The following THBS2 variants were observed in gnomAD, a reference collection of about 807,000 sequenced individuals.
The protein encoded by THBS2 is thrombospondin 2, also known as thrombospondin-2.
A neutral mutation model predicts 135.2 loss-of-function variants in THBS2; 47 were observed. That is an observed-to-expected ratio of 0.35 (90% CI 0.28 to 0.44). The LOEUF is 0.44. Among genes scored for constraint, THBS2 ranks in the 20% least tolerant of loss-of-function variants. THBS2 has a pLI of 1.00. For missense variants in THBS2, 1,288 were observed against 1,603.1 expected, an observed-to-expected ratio of 0.80 and a Z score of 3.36; for synonymous variants, 639 against 633.8, an observed-to-expected ratio of 1.01 and a Z score of -0.12.
In THBS2 at chr6:169,248,671, C is replaced by G; in HGVS notation, c.355G>C (p.Gly119Arg). The change falls in exon 3 of 22, where the codon GGC (glycine) becomes CGC (arginine). Residue 119 changes from glycine to arginine, a missense_variant. This residue lies in a region of THBS2 where 414 missense variants were observed against 447.0 expected (regional missense o/e 0.93). Transcript: ENST00000617924. ...SQRQFEIVSNGPADTLDLTYW... is the reference protein window; with the variant it reads ...SQRQFEIVSNRPADTLDLTYW... ...GTGAGATCCAGCGTGTCCGCGGGGC[C>G]GTTGGAGACGATCTCGAACTGCCTC... 1 of 1,613,870 alleles carries G rather than the reference C, an allele frequency of 6.2e-7. No individual in the cohort carries two copies. The highest frequency in any genetic ancestry group is 8.5e-7 in the Non-Finnish European group (1 of 1,179,880).
chr6:169,239,551 T>C, intron 7 of THBS2, 48 bp downstream of exon 7: 8 of 1,501,460 alleles, frequency 5.3e-6, no homozygotes, highest in Non-Finnish European at 7.3e-6. Flanking sequence ...CAAACAAGCA[T>C]GGAATTCCTA....
rs1393675216 is a variant in THBS2, at chr6:169,216,086, AC to A, written c.*1735del. 6.6e-6 allele frequency: 1 copy of A among 152,272 alleles called. No homozygotes were observed. Among genetic ancestry groups the A allele is most frequent in the Non-Finnish European group, 1.5e-5 (1 of 68,048 alleles). The allele number at this position is 152,272 out of a possible 1,614,324, so 9.4% of individuals were successfully genotyped here. A position where few individuals can be genotyped will look rare whatever the true frequency, so the allele number is the denominator to read the frequency against. ...AACCTGCACGCTGTTGACAGTCGCT[AC>A]ATTTAATGAAGTATCCCAACGCTTC... On this transcript the variant is annotated 3_prime_UTR_variant, in exon 22 of 22. Transcript: ENST00000617924.
At chr6:169,228,446 A>C (rs1340472186) in intron 14 of THBS2, among the ~76,000 whole-genome samples, 165 bp from the exon 15 acceptor site, 2 of 152,202 alleles carry the variant, frequency 1.3e-5, no homozygotes, top group Non-Finnish European at 2.9e-5. Context: ...CTTTAATCAC[A>C]GCTGGGCACT....
At position 169,233,016 on chromosome 6, in the gene THBS2, A is replaced by G; in HGVS notation, c.1653T>C (p.Asp551=). Residue 551 remains aspartate, a splice_region_variant and synonymous_variant, in exon 11 of 22, where the codon GAT becomes GAC. Coordinates refer to ENST00000617924, the MANE Select transcript of THBS2 (RefSeq NM_003247.5). ...GGAAGCAGGGGTTGGATAAACAGCC[A>G]TCTGGGTGGGAGAAGGCGGAGCAGA... is the stretch of plus-strand genomic sequence containing the variant. ...QMCNKRSCPV[D]GCLSNPCFPG... 1 of 1,537,872 alleles carries G rather than the reference A, an allele frequency of 6.5e-7. No individual in the cohort carries two copies. The highest frequency in any genetic ancestry group is 8.7e-7 in the Non-Finnish European group (1 of 1,145,936).
At chr6:169,237,439 A>G (rs1780138119) in intron 8 of THBS2, 93 bp from the exon 9 acceptor site, 1 of 1,531,482 alleles carries the variant, frequency 6.5e-7, no homozygotes, top group Non-Finnish European at 8.9e-7. Context: ...AGCATCTCAC[A>G]GCTGCTGAGG....
intron 16 of THBS2, among the ~76,000 whole-genome samples, 190 bp from the exon 17 acceptor site, chr6:169,225,569 G>A (rs1038503956): frequency 6.6e-6 from 1 of 152,196 alleles, no homozygotes; most frequent in African/African-American, 2.4e-5. Context: ...CAGGCCTCTC[G>A]GTCCAGGAAT....
Position 169,237,248 on chromosome 6 carries a change from G to A in THBS2, c.1399C>T (p.Pro467Ser). ...NITRIRLCNSPVPQMGGKNCK... is the reference protein window; with the variant it reads ...NITRIRLCNSSVPQMGGKNCK... ...TTCTTGCCCCCCATCTGGGGCACTG[G>A]GGAGTTGCAGAGACGGATGCGTGTG... Residue 467 changes from proline to serine, a missense_variant, in exon 9 of 22, where the codon CCA becomes TCA. This residue lies in a region of THBS2 where 874 missense variants were observed against 1,156.1 expected (regional missense o/e 0.76). Transcript: ENST00000617924. 6.2e-7 allele frequency: 1 copy of A among 1,613,436 alleles called. No individual in the cohort carries two copies. The highest frequency in any genetic ancestry group is 8.5e-7 in the Non-Finnish European group (1 of 1,180,010).
In THBS2 at chr6:169,229,605, A is replaced by G. The variant is rs921426804; in HGVS notation, c.2226T>C (p.Asp742=). The G allele has an allele frequency of 8.1e-6, 13 of 1,614,038 alleles. 1 individual carries two copies. The highest frequency in any genetic ancestry group is 3.3e-5 in the South Asian group (3 of 91,078). ...DKDGIGDACD[D]DDDNDGVTDE... ...CGGTCACACCGTCATTGTCATCGTC[A>G]TCATCACAGGCATCGCCAATCCCGT... The change falls in exon 14 of 22, where the codon GAT becomes GAC. Residue 742 remains aspartate, a synonymous_variant. Transcript: ENST00000617924.
chr6:169,222,647 T>G (rs1779469120), intron 18 of THBS2, among the ~76,000 whole-genome samples, 179 bp from the exon 19 acceptor site: 1 of 151,790 alleles, frequency 6.6e-6, no homozygotes, highest in Non-Finnish European at 1.5e-5. Context: ...ATGCAAAAAT[T>G]AGCCGGGCAT....
intron 16 of THBS2, 147 bp from the exon 17 acceptor site, chr6:169,225,526 C>T: frequency 1.3e-6 from 1 of 748,774 alleles, no homozygotes; most frequent in Non-Finnish European, 2.2e-6. Context: ...CCCGAGGTCA[C>T]ACTGACCCTG....
chr6:169,241,754 G>T lies in THBS2; in HGVS notation c.891+8C>A. On this transcript the variant is annotated splice_region_variant and intron_variant, in intron 5 of 21. Transcript: ENST00000617924. The surrounding 1 kb of genome is among the most constrained non-coding windows in gnomAD (Gnocchi z 5.5). ...TATGACCCCCGCGGCCCCTGCGTGA[G>T]TACCCACCACTCTCTTGAGGTTCTC... The T allele has an allele frequency of 6.3e-7, 1 of 1,597,846 alleles. No individual in the cohort carries two copies. The highest frequency in any genetic ancestry group is 8.6e-7 in the Non-Finnish European group (1 of 1,168,228).
chr6:169,244,315 C>CACAT (rs1780472349), intron 4 of THBS2, among the ~76,000 whole-genome samples: 2 of 119,020 alleles, frequency 1.7e-5, no homozygotes, highest in Admixed American at 1.8e-4. Context: ...ATGCTGGTAA[C>CACAT]ACACACACAC....
chr6:169,244,478 A>G (rs938884514), intron 4 of THBS2, among the ~76,000 whole-genome samples: 15 of 152,296 alleles, frequency 9.8e-5, no homozygotes, highest in Middle Eastern at 3.4e-3. Context: ...GTGAAATTAT[A>G]GTACAAACAT....
chr6:169,222,511 G>T (rs773007028), intron 18 of THBS2, 43 bp from the exon 19 acceptor site: 1 of 1,583,660 alleles, frequency 6.3e-7, no homozygotes, highest in South Asian at 1.2e-5. Flanking sequence ...CACCTTTCAG[G>T]TGGCCGGGAG....
intron 16 of THBS2, 94 bp downstream of exon 16, chr6:169,226,086 A>AG (rs758009938): frequency 2.0e-5 from 28 of 1,379,646 alleles, no homozygotes; most frequent in Non-Finnish European, 2.5e-5. Context: ...GTTGTGCACC[A>AG]GGGGCAGTTG....
At chr6:169,217,960 GGATGGATGGATGA>G in intron 21 of THBS2, 131 bp from the exon 22 acceptor site, 1 of 786,094 alleles carries the variant, frequency 1.3e-6, no homozygotes, top group East Asian at 2.8e-5. Flanking sequence ...ATGGATGGAT[GGATGGATGGATGA>G]AATGGATGGG....
chr6:169,217,746 C>A lies in THBS2; in HGVS notation c.*76G>T. Reference sequence around the variant, plus strand: ...GAGGTGCTGCTAGAGAGAGAAGCCACAAGGACCACAATGAACTGAGGTGTC... The same window carrying A: ...GAGGTGCTGCTAGAGAGAGAAGCCAAAAGGACCACAATGAACTGAGGTGTC... On this transcript the variant is annotated 3_prime_UTR_variant, in exon 22 of 22. Coordinates refer to ENST00000617924, the MANE Select transcript of THBS2 (RefSeq NM_003247.5). The A allele has an allele frequency of 6.5e-7, 1 of 1,539,186 alleles. No homozygotes were observed.
At chr6:169,250,056 G>GTCCCAGAAAAAAAAAAAA (rs1780702413) in intron 2 of THBS2, among the ~76,000 whole-genome samples, 1 of 151,760 alleles carries the variant, frequency 6.6e-6, no homozygotes, top group South Asian at 2.1e-4. Flanking sequence ...GTAATACACT[G>GTCCCAGAAAAAAAAAAAA]AACAGAAAGT....
In THBS2 at chr6:169,225,327, A is replaced by T; in HGVS notation, c.2591T>A (p.Ile864Lys). The change falls in exon 17 of 22, where the codon ATA becomes AAA. Residue 864 changes from isoleucine (I) to lysine (K), a missense_variant. Physicochemically the swap from Ile to Lys is moderately radical, Grantham distance 102. This residue lies in a region of THBS2 where 874 missense variants were observed against 1,156.1 expected (regional missense o/e 0.76). Transcript: ENST00000617924. ...VGDQCDNNEDIDDDGHQNNQD... is the reference protein window; with the variant it reads ...VGDQCDNNEDKDDDGHQNNQD... ...GTTGTTCTGGTGGCCGTCGTCATCTATGTCCTCGTTGTTGTCACACTGGTC... is the reference window on the plus strand; with the variant it reads ...GTTGTTCTGGTGGCCGTCGTCATCTTTGTCCTCGTTGTTGTCACACTGGTC... 6.4e-7 allele frequency: 1 copy of T among 1,571,184 alleles called. No individual in the cohort carries two copies. The highest frequency in any genetic ancestry group is 1.2e-5 in the South Asian group (1 of 86,354).
Sources: gnomAD v4.1 joint callset for allele counts (sites outside exome capture counted in the v4.1 genomes callset) on GRCh38, gnomAD v4.1.1 for gene constraint, gnomAD v4.1.1 regional missense constraint, Gnocchi (gnomAD v3.1) non-coding constraint, MANE v1.5 for transcripts, NCBI Gene and HGNC (gene_info 2026-07-23, HGNC 2026-07-21) for gene names.